SDK2: variants seen among roughly 807,000 people sequenced by gnomAD.
SDK2 encodes the protein protein sidekick-2.
In SDK2, 105 loss-of-function variants were observed where a neutral mutation model predicts 253.9. The ratio of observed to expected loss-of-function variants is 0.41; its 90% CI spans 0.35 to 0.49. The LOEUF is 0.49. SDK2 is among the 20% of genes least tolerant of loss of function. SDK2 has a pLI of 0.06. For synonymous variants in SDK2, 1,249 were observed against 1,234.9 expected, an observed-to-expected ratio of 1.01 and a Z score of -0.24; for missense variants, 2,608 against 3,003.0, an observed-to-expected ratio of 0.87 and a Z score of 3.07.
At chr17:73,421,091 T>C (rs1452002342) in intron 15 of SDK2, among the ~76,000 whole-genome samples, 2 of 152,214 alleles carry the variant, frequency 1.3e-5, no homozygotes, top group Non-Finnish European at 2.9e-5. Context: ...TTTCAGCCTC[T>C]CTGTTGTTGG....
At chr17:73,574,930 A>G (rs757780238) in intron 1 of SDK2, among the ~76,000 whole-genome samples, 5 of 152,036 alleles carry the variant, frequency 3.3e-5, no homozygotes, top group Admixed American at 6.5e-5. Flanking sequence ...CAAGTCTTGC[A>G]CCTTAGTAGA....
intron 1 of SDK2, among the ~76,000 whole-genome samples, chr17:73,524,939 C>T (rs2064113465): frequency 6.6e-6 from 1 of 152,244 alleles, no homozygotes; most frequent in African/African-American, 2.4e-5. Flanking sequence ...CACATCATTC[C>T]CATGGACTTG....
chr17:73,558,469 A>G (rs776116024), intron 1 of SDK2, among the ~76,000 whole-genome samples: 6 of 150,056 alleles, frequency 4.0e-5, no homozygotes, highest in Non-Finnish European at 8.8e-5. Context: ...GAAAGGAAGG[A>G]AGGGAGGAAG....
chr17:73,557,917 ATGGCAGCCAG>A (rs2045170019), intron 1 of SDK2, among the ~76,000 whole-genome samples: 1 of 152,158 alleles, frequency 6.6e-6, no homozygotes, highest in African/African-American at 2.4e-5. Context: ...AGCAGTAGAA[ATGGCAGCCAG>A]TGGCATTGAC....
rs547197520 is a variant in SDK2 at position 73,407,295 on chromosome 17, A to G, written c.2485-5154T>C. On this transcript the variant is annotated intron_variant, in intron 18 of 44. Coordinates refer to ENST00000392650, the MANE Select transcript of SDK2 (RefSeq NM_001144952.2). ...GAACATCTTGTCATACCAAATTGCA[A>G]GGAAGCTATCAGAGACTACTGGGGC... Among the ~76,000 whole-genome samples, 3 of 152,322 alleles carry G rather than the reference A, an allele frequency of 2.0e-5. No individual in the cohort carries two copies. The South Asian group carries it at 6.2e-4, about 32-fold the overall frequency.
chr17:73,387,921 T>C lies in SDK2; in HGVS notation c.4309A>G (p.Ile1437Val). ...DGLSPVRYYT[I>V]QTRELPSGRW... ...CCGCTGGGCAGCTCGCGGGTCTGGA[T>C]GGTGTAGTAGCGCACAGGGGAGAGC... is the stretch of plus-strand genomic sequence containing the variant. The change falls in exon 30 of 45, where the codon ATC becomes GTC. Residue 1437 changes from isoleucine to valine, a missense_variant. This residue lies in a region of SDK2 where 1,103 missense variants were observed against 1,143.9 expected (regional missense o/e 0.96). Transcript: ENST00000392650. The C allele has an allele frequency of 6.3e-7, 1 of 1,589,466 alleles. No individual in the cohort carries two copies. Among genetic ancestry groups the C allele is most frequent in the African/African-American group, 1.3e-5 (1 of 74,508 alleles).
At chr17:73,382,383 G>A (rs2062838293) in intron 33 of SDK2, among the ~76,000 whole-genome samples, 1 of 152,186 alleles carries the variant, frequency 6.6e-6, no homozygotes, top group Non-Finnish European at 1.5e-5. Context: ...GGTGGATAGA[G>A]GATATTTAGG....
At chr17:73,628,007 G>A (rs956477016) in intron 1 of SDK2, among the ~76,000 whole-genome samples, 3 of 152,198 alleles carry the variant, frequency 2.0e-5, no homozygotes, top group Admixed American at 6.5e-5. Context: ...AGCCGAGATC[G>A]TGCCACTGCA....
chr17:73,437,160 C>G (rs2063376367), intron 8 of SDK2, among the ~76,000 whole-genome samples: 1 of 152,168 alleles, frequency 6.6e-6, no homozygotes, highest in Admixed American at 6.5e-5. Context: ...CCCCTTTGCT[C>G]AGCGTGTCCC....
At chr17:73,449,838 G>A (rs925154412) in intron 4 of SDK2, among the ~76,000 whole-genome samples, 8 of 152,104 alleles carry the variant, frequency 5.3e-5, no homozygotes, top group South Asian at 2.1e-4. Flanking sequence ...CAGGAAAATC[G>A]CTTGAACCTG....
intron 1 of SDK2, among the ~76,000 whole-genome samples, chr17:73,579,322 G>C (rs763197414): frequency 8.5e-5 from 13 of 152,168 alleles, no homozygotes; most frequent in Non-Finnish European, 1.5e-4. Flanking sequence ...GGCCCGAGGG[G>C]TCAGGCCTCT....
chr17:73,572,164 C>G lies in SDK2; in HGVS notation c.65-64567G>C, dbSNP rs534584764. On this transcript the variant is annotated intron_variant, in intron 1 of 44. Coordinates refer to ENST00000392650, the MANE Select transcript of SDK2 (RefSeq NM_001144952.2). ...TCCAAATGGTTTTAGATTCGGTCCC[C>G]ACAAAATCCTGTTGAGGGTCCCAAG... Among the ~76,000 whole-genome samples, 484 of 152,288 alleles carry G rather than the reference C, an allele frequency of 3.2e-3. 2 individuals are homozygous for G. The highest frequency in any genetic ancestry group is 0.011 in the African/African-American group (444 of 41,554).
At chr17:73,549,536 G>T (rs1352210581) in intron 1 of SDK2, among the ~76,000 whole-genome samples, 1 of 152,090 alleles carries the variant, frequency 6.6e-6, no homozygotes, top group Non-Finnish European at 1.5e-5. Context: ...AGGAAGTCTT[G>T]GTAAGGTGTC....
At chr17:73,417,593 C>T (rs1441482823) in intron 16 of SDK2, among the ~76,000 whole-genome samples, 1 of 151,990 alleles carries the variant, frequency 6.6e-6, no homozygotes, top group Non-Finnish European at 1.5e-5. Context: ...GGGAGGATTG[C>T]TAACCAGGGG....
intron 1 of SDK2, among the ~76,000 whole-genome samples, chr17:73,599,545 T>A: frequency 6.8e-6 from 1 of 147,686 alleles, no homozygotes; most frequent in Admixed American, 6.7e-5. Context: ...AAAAAAAAAT[T>A]AAATTAAATA....
intron 44 of SDK2, among the ~76,000 whole-genome samples, chr17:73,341,953 GGTTTTGCTGGGGAAGT>G (rs1311964195): frequency 6.6e-6 from 1 of 152,016 alleles, no homozygotes; most frequent in Non-Finnish European, 1.5e-5. Context: ...GAAGGGTGAG[GGTTTTGCTGGGGAAGT>G]GATCCGGCCG....
chr17:73,512,802 T>TA (rs1352926487), intron 1 of SDK2, among the ~76,000 whole-genome samples: 1 of 152,102 alleles, frequency 6.6e-6, no homozygotes, highest in Non-Finnish European at 1.5e-5. Flanking sequence ...CCCAAATACA[T>TA]ACGAGGAAAT....
chr17:73,351,970 C>T (rs1323542517), intron 41 of SDK2, among the ~76,000 whole-genome samples: 1 of 151,814 alleles, frequency 6.6e-6, no homozygotes, highest in Non-Finnish European at 1.5e-5. Context: ...ATAGCAGAGC[C>T]CTTTGTGCGC....
At chr17:73,417,066 A>G (rs1250979996) in intron 16 of SDK2, among the ~76,000 whole-genome samples, 1 of 152,128 alleles carries the variant, frequency 6.6e-6, no homozygotes, top group African/African-American at 2.4e-5. Flanking sequence ...GCTTCTGGCT[A>G]GCAGTAGGCT....
Sources: allele counts gnomAD v4.1 joint callset (sites outside exome capture counted in the v4.1 genomes callset), GRCh38; gene constraint gnomAD v4.1.1; regional missense constraint gnomAD v4.1.1; transcripts MANE v1.5; gene names NCBI Gene and HGNC (gene_info 2026-07-23, HGNC 2026-07-21).